The following PLXDC2 variants were observed in gnomAD, a reference collection of about 807,000 sequenced individuals.
PLXDC2 encodes the protein plexin domain-containing protein 2.
Under a neutral mutation model 68.9 loss-of-function variants are expected in PLXDC2, and 40 were observed. The observed-to-expected ratio is 0.58, with a 90% CI of 0.45 to 0.76. The LOEUF is 0.76. Ranked by LOEUF, PLXDC2 falls within the 30% of genes least tolerant of loss-of-function variation. PLXDC2 has a pLI of 0.00. For synonymous variants in PLXDC2, 243 were observed against 234.2 expected, an observed-to-expected ratio of 1.04 and a Z score of -0.34; for missense variants, 644 against 661.9, an observed-to-expected ratio of 0.97 and a Z score of 0.30.
intron 1 of PLXDC2, among the ~76,000 whole-genome samples, chr10:19,941,033 T>C (rs566013641): frequency 1.3e-5 from 2 of 152,332 alleles, no homozygotes; most frequent in African/African-American, 4.8e-5. Context: ...AGAATTCAAA[T>C]AGGATTTGAT....
At chr10:20,250,254 C>T (rs898868186) in intron 13 of PLXDC2, among the ~76,000 whole-genome samples, 3 of 127,226 alleles carry the variant, frequency 2.4e-5, no homozygotes, top group Non-Finnish European at 3.2e-5. Context: ...CCTGGGCAAT[C>T]GAGTGAGATC....
At chr10:19,833,597 A>C (rs1836735587) in intron 1 of PLXDC2, among the ~76,000 whole-genome samples, 2 of 152,362 alleles carry the variant, frequency 1.3e-5, no homozygotes, top group Middle Eastern at 3.4e-3. Context: ...TGGGCTGAGG[A>C]CACTAAGCGA....
At chr10:20,176,899 A>G in intron 7 of PLXDC2, 100 bp from the exon 8 acceptor site, 3 of 787,642 alleles carry the variant, frequency 3.8e-6, no homozygotes, top group East Asian at 5.3e-5. Flanking sequence ...TTAAAACCAC[A>G]TTGGGCTATA....
chr10:19,937,065 A>G (rs1041823743), intron 1 of PLXDC2, among the ~76,000 whole-genome samples: 1 of 152,176 alleles, frequency 6.6e-6, no homozygotes, highest in African/African-American at 2.4e-5. Flanking sequence ...CTCCAATGAC[A>G]TTGAGACTTA....
At chr10:20,004,706 A>G (rs1834998264) in intron 2 of PLXDC2, among the ~76,000 whole-genome samples, 1 of 152,168 alleles carries the variant, frequency 6.6e-6, no homozygotes, top group South Asian at 2.1e-4. Context: ...GGGGTGCTGA[A>G]TTTTCTTAAT....
intron 4 of PLXDC2, among the ~76,000 whole-genome samples, chr10:20,139,773 A>G (rs1014805351): frequency 4.3e-5 from 6 of 138,012 alleles, no homozygotes; most frequent in African/African-American, 1.3e-4. Flanking sequence ...CAAACACTGC[A>G]TGTTCTCATT....
intron 1 of PLXDC2, among the ~76,000 whole-genome samples, chr10:19,977,807 G>A (rs1834484421): frequency 6.6e-6 from 1 of 152,008 alleles, no homozygotes; most frequent in Non-Finnish European, 1.5e-5. Context: ...ATCATGGGAG[G>A]CCCACCCTTA....
At chr10:20,031,099 G>T (rs1374249507) in intron 2 of PLXDC2, among the ~76,000 whole-genome samples, 1 of 152,178 alleles carries the variant, frequency 6.6e-6, no homozygotes, top group East Asian at 1.9e-4. Flanking sequence ...TGGGCTTAGT[G>T]GTTTATGCCT....
chr10:19,854,444 G>A (rs1222842565), intron 1 of PLXDC2, among the ~76,000 whole-genome samples: 6 of 152,154 alleles, frequency 3.9e-5, no homozygotes, highest in Admixed American at 2.6e-4. Flanking sequence ...GACATTTGAG[G>A]TGGTCACAAC....
In PLXDC2 at chr10:20,284,106, A is replaced by G. The variant is rs999210666; in HGVS notation, c.*4287A>G. On this transcript the variant is annotated 3_prime_UTR_variant, in exon 14 of 14. Transcript: ENST00000377252. Reference sequence around the variant, plus strand: ...TATGATAGGAAATTAATATTTAAATAAGACTAATTGAAAACTAGATTATCT... The same window carrying G: ...TATGATAGGAAATTAATATTTAAATGAGACTAATTGAAAACTAGATTATCT... 2 of 151,984 alleles carry G rather than the reference A, an allele frequency of 1.3e-5. No homozygotes were observed. Among genetic ancestry groups the G allele is most frequent in the Admixed American group, 6.6e-5 (1 of 15,256 alleles). The allele number at this position is 151,984 out of a possible 1,614,324, so 9.4% of individuals were successfully genotyped here. A position where few individuals can be genotyped will look rare whatever the true frequency, so the allele number is the denominator to read the frequency against.
intron 12 of PLXDC2, among the ~76,000 whole-genome samples, chr10:20,225,413 A>G (rs115002109): frequency 1.4e-3 from 182 of 134,410 alleles, no homozygotes; most frequent in African/African-American, 4.9e-3. Flanking sequence ...TCATAGTCCT[A>G]TGAGCAAAGG....
intron 9 of PLXDC2, among the ~76,000 whole-genome samples, chr10:20,203,068 C>G (rs1270139752): frequency 6.6e-6 from 1 of 152,102 alleles, no homozygotes; most frequent in Non-Finnish European, 1.5e-5. Flanking sequence ...AATATTGTAG[C>G]TTCACCCAGT....
chr10:19,837,399 AGAGAGAGAGAGTGTGTGT>A (rs1387307510), intron 1 of PLXDC2, among the ~76,000 whole-genome samples: 4,324 of 107,736 alleles, frequency 0.04, 162 homozygotes, highest in Admixed American at 0.16. Context: ...AGAGAGAGAG[AGAGAGAGAGAGTGTGTGT>A]GTGTGTGTGT....
At chr10:20,015,962 A>T (rs747316134) in intron 2 of PLXDC2, among the ~76,000 whole-genome samples, 1 of 152,164 alleles carries the variant, frequency 6.6e-6, no homozygotes, top group South Asian at 2.1e-4. Flanking sequence ...GTAGTCTGAA[A>T]CCATTCCCCA....
At chr10:20,219,244 G>C in intron 12 of PLXDC2, 142 bp downstream of exon 12, 1 of 855,428 alleles carries the variant, frequency 1.2e-6, no homozygotes. Context: ...ACATGGGAAG[G>C]AGTCAGTGGG....
At chr10:19,999,055 T>C (rs557861337) in intron 1 of PLXDC2, among the ~76,000 whole-genome samples, 2 of 152,154 alleles carry the variant, frequency 1.3e-5, no homozygotes, top group Non-Finnish European at 2.9e-5. Flanking sequence ...TTTCATTTGT[T>C]CTCTAGAGAA....
At chr10:20,247,631 G>A (rs1216078156) in intron 13 of PLXDC2, among the ~76,000 whole-genome samples, 1 of 152,128 alleles carries the variant, frequency 6.6e-6, no homozygotes, top group East Asian at 1.9e-4. Context: ...TATCTGCAGG[G>A]ATACACCCCT....
At chr10:20,189,667 C>T (rs181756923) in intron 9 of PLXDC2, among the ~76,000 whole-genome samples, 1 of 150,694 alleles carries the variant, frequency 6.6e-6, no homozygotes, top group East Asian at 2.0e-4. Context: ...CTATATGCTG[C>T]ATAACTTTCC....
At chr10:19,963,166 G>A (rs1235995180) in intron 1 of PLXDC2, among the ~76,000 whole-genome samples, 1 of 152,106 alleles carries the variant, frequency 6.6e-6, no homozygotes, top group Non-Finnish European at 1.5e-5. Context: ...ATTAAAGGAA[G>A]GGGAATCCCT....
Sources: gnomAD v4.1 joint callset for allele counts (sites outside exome capture counted in the v4.1 genomes callset) on GRCh38, gnomAD v4.1.1 for gene constraint, MANE v1.5 for transcripts, NCBI Gene and HGNC (gene_info 2026-07-23, HGNC 2026-07-21) for gene names.